The following TESC variants were observed in gnomAD, a reference collection of about 807,000 sequenced individuals.
The protein encoded by TESC is calcineurin B homologous protein 3.
TESC carries 19 observed loss-of-function variants against 31.0 expected under a neutral mutation model. The observed-to-expected ratio is 0.61, with a 90% CI of 0.43 to 0.90. The LOEUF (loss-of-function observed/expected upper bound fraction) is 0.90, where lower values mean the gene tolerates loss of function less well. TESC is among the 40% of genes least tolerant of loss of function. TESC has a pLI of 0.00. For synonymous variants in TESC, 109 were observed against 114.8 expected, an observed-to-expected ratio of 0.95 and a Z score of 0.32; for missense variants, 248 against 303.8, an observed-to-expected ratio of 0.82 and a Z score of 1.36.
intron 1 of TESC, among the ~76,000 whole-genome samples, chr12:117,075,885 A>ATATATATATATATATGTGTGTGTGTG (rs1955054419): frequency 2.2e-5 from 1 of 46,258 alleles, no homozygotes; most frequent in African/African-American, 1.4e-4. Context: ...GTATATATAT[A>ATATATATATATATATGTGTGTGTGTG]TATATATATA....
At chr12:117,043,472 T>TTGTTA (rs1954514353) in intron 6 of TESC, among the ~76,000 whole-genome samples, 1 of 152,042 alleles carries the variant, frequency 6.6e-6, no homozygotes, top group East Asian at 1.9e-4. Context: ...TTGTTTTGTT[T>TTGTTA]TTGAGACAGA....
chr12:117,090,110 G>A (rs988523930), intron 1 of TESC, among the ~76,000 whole-genome samples: 4 of 150,888 alleles, frequency 2.7e-5, no homozygotes, highest in Non-Finnish European at 4.4e-5. Flanking sequence ...ATGCATGCCT[G>A]CAAAATAACA....
intron 2 of TESC, among the ~76,000 whole-genome samples, chr12:117,065,355 G>A (rs1954862204): frequency 1.3e-5 from 2 of 152,176 alleles, no homozygotes; most frequent in Admixed American, 6.6e-5. Flanking sequence ...AGGTAGAAAT[G>A]GCAGTGTTTG....
In TESC at chr12:117,039,098, G is replaced by T. The variant is rs762174370; in HGVS notation, c.*35C>A. On this transcript the variant is annotated 3_prime_UTR_variant, in exon 8 of 8. Transcript: ENST00000335209. Reference sequence around the variant, plus strand: ...AGCTACGCGGGGAGGCGGCCCCATTGCAAAGTGCAGTTTCTCCGCGGAGGT... The same window carrying T: ...AGCTACGCGGGGAGGCGGCCCCATTTCAAAGTGCAGTTTCTCCGCGGAGGT... 1.2e-6 allele frequency: 2 copies of T among 1,610,000 alleles called. No homozygotes were observed. Among genetic ancestry groups the T allele is most frequent in the Non-Finnish European group, 1.7e-6 (2 of 1,178,094 alleles).
chr12:117,096,989 G>A (rs897566383), intron 1 of TESC, among the ~76,000 whole-genome samples: 13 of 152,126 alleles, frequency 8.5e-5, no homozygotes, highest in African/African-American at 3.1e-4. Flanking sequence ...CCATTCTCAT[G>A]CCACCCTGCT....
At chr12:117,099,077 G>A in intron 1 of TESC, 148 bp downstream of exon 1, 1 of 802,450 alleles carries the variant, frequency 1.2e-6, no homozygotes. Flanking sequence ...GGCCAGCGGG[G>A]ACCCATTTGA....
Position 117,039,007 on chromosome 12 carries a change from G to A in TESC, c.*126C>T, listed in dbSNP as rs1410329992. Reference sequence around the variant, plus strand: ...CCATACCCTACAAGACACAAGGTGCGCAGACGAGCCTTGGCTATGTACCGG... The same window carrying A: ...CCATACCCTACAAGACACAAGGTGCACAGACGAGCCTTGGCTATGTACCGG... On this transcript the variant is annotated 3_prime_UTR_variant, in exon 8 of 8. Coordinates refer to ENST00000335209, the MANE Select transcript of TESC (RefSeq NM_017899.4). 26 of 960,506 alleles carry A rather than the reference G, an allele frequency of 2.7e-5. No homozygotes were observed. Among genetic ancestry groups the A allele is most frequent in the Non-Finnish European group, 3.4e-5 (21 of 622,224 alleles). 59.5% of individuals were successfully genotyped at this position (960,506 alleles called of 1,614,324 possible). A position where few individuals can be genotyped will look rare whatever the true frequency, so the allele number is the denominator to read the frequency against.
intron 3 of TESC, 149 bp from the exon 4 acceptor site, chr12:117,049,307 G>A (rs1042236800): frequency 1.7e-6 from 2 of 1,166,416 alleles, no homozygotes; most frequent in African/African-American, 1.5e-5. Flanking sequence ...CCAAGAACCT[G>A]CTTCGTGGCG....
intron 1 of TESC, among the ~76,000 whole-genome samples, chr12:117,079,794 C>T (rs1189377339): frequency 6.6e-6 from 1 of 151,974 alleles, no homozygotes; most frequent in African/African-American, 2.4e-5. Flanking sequence ...TAAAAATGTT[C>T]CAAAATTATA....
chr12:117,072,219 AT>A (rs1374537384), intron 2 of TESC, among the ~76,000 whole-genome samples: 1 of 152,048 alleles, frequency 6.6e-6, no homozygotes, highest in Non-Finnish European at 1.5e-5. Flanking sequence ...CATTTGCCAA[AT>A]GCCTGTGAAC....
At chr12:117,059,621 ACAATCTCGGCTCAAT>A (rs2135764723) in intron 2 of TESC, among the ~76,000 whole-genome samples, 1 of 152,286 alleles carries the variant, frequency 6.6e-6, no homozygotes, top group South Asian at 2.1e-4. Flanking sequence ...GCGCGGTGGC[ACAATCTCGGCTCAAT>A]CTCCATGGGC....
At chr12:117,080,129 C>T (rs946433387) in intron 1 of TESC, among the ~76,000 whole-genome samples, 6 of 152,074 alleles carry the variant, frequency 3.9e-5, no homozygotes, top group African/African-American at 1.4e-4. Context: ...ATAAATCATC[C>T]TAGATCAAGG....
At chr12:117,074,335 T>C (rs891914544) in intron 2 of TESC, among the ~76,000 whole-genome samples, 11 of 150,432 alleles carry the variant, frequency 7.3e-5, no homozygotes, top group Non-Finnish European at 1.0e-4. Flanking sequence ...AACACTGCAC[T>C]CCAGCCTGGG....
chr12:117,098,852 C>A (rs1955431783), intron 1 of TESC, among the ~76,000 whole-genome samples: 1 of 151,890 alleles, frequency 6.6e-6, no homozygotes, highest in South Asian at 2.1e-4. Flanking sequence ...CTCACGAATG[C>A]AAACGACTCT....
intron 1 of TESC, among the ~76,000 whole-genome samples, chr12:117,083,225 T>C (rs1955172581): frequency 6.6e-6 from 1 of 152,162 alleles, no homozygotes; most frequent in South Asian, 2.1e-4. Context: ...CTGGGTGGCA[T>C]GTGCCACCAC....
At chr12:117,075,899 A>ATATATATGTGTGTGTG (rs1565971558) in intron 1 of TESC, among the ~76,000 whole-genome samples, 1 of 73,220 alleles carries the variant, frequency 1.4e-5, no homozygotes, top group African/African-American at 8.2e-5. Context: ...ATATATATAT[A>ATATATATGTGTGTGTG]TATATATATA....
At chr12:117,082,169 C>A (rs531750855) in intron 1 of TESC, among the ~76,000 whole-genome samples, 55 of 152,022 alleles carry the variant, frequency 3.6e-4, no homozygotes, top group African/African-American at 1.3e-3. Context: ...AGATTGCACT[C>A]CAGCATGAGC....
chr12:117,062,384 G>A (rs947829540), intron 2 of TESC, among the ~76,000 whole-genome samples: 2 of 152,200 alleles, frequency 1.3e-5, no homozygotes, highest in Non-Finnish European at 2.9e-5. Flanking sequence ...ACCATGCCCA[G>A]CTAATTTTTG....
intron 7 of TESC, among the ~76,000 whole-genome samples, chr12:117,040,594 C>G (rs915582891): frequency 1.3e-5 from 2 of 152,160 alleles, no homozygotes; most frequent in Non-Finnish European, 2.9e-5. Flanking sequence ...CGGGCGTCAC[C>G]TTCTCTGGTG....
Sources: allele counts gnomAD v4.1 joint callset (sites outside exome capture counted in the v4.1 genomes callset), GRCh38; gene constraint gnomAD v4.1.1; transcripts MANE v1.5; gene names NCBI Gene and HGNC (gene_info 2026-07-23, HGNC 2026-07-21).